The following VDAC1 variants were observed in gnomAD, a reference collection of about 807,000 sequenced individuals.
VDAC1 encodes the protein non-selective voltage-gated ion channel VDAC1.
VDAC1 carries 10 observed loss-of-function variants against 34.7 expected under a neutral mutation model. That is an observed-to-expected ratio of 0.29 (90% CI 0.18 to 0.49). VDAC1 has a LOEUF of 0.49. Among genes scored for constraint, VDAC1 ranks in the 20% least tolerant of loss-of-function variants. The pLI is 0.99. For synonymous variants in VDAC1, 130 were observed against 136.0 expected, an observed-to-expected ratio of 0.96 and a Z score of 0.30; for missense variants, 230 against 347.9, an observed-to-expected ratio of 0.66 and a Z score of 2.69.
chr5:133,972,528 T>G lies in VDAC1; in HGVS notation c.*243A>C, dbSNP rs1421226553. The stretch of plus-strand genomic sequence containing the variant: ...GCCATTTCTAGATAAAAAAGAAACC[T>G]GGCATCTCAAAGGGGCCACCAAGTT... On this transcript the variant is annotated 3_prime_UTR_variant, in exon 9 of 9. Coordinates refer to ENST00000265333, the MANE Select transcript of VDAC1 (RefSeq NM_003374.3). The G allele has an allele frequency of 9.1e-6, 4 of 441,818 alleles. No homozygotes were observed. The highest frequency in any genetic ancestry group is 8.1e-5 in the African/African-American group (4 of 49,376). The allele number at this position is 441,818 out of a possible 1,614,324, so 27.4% of individuals were successfully genotyped here. A position where few individuals can be genotyped will look rare whatever the true frequency, so the allele number is the denominator to read the frequency against.
chr5:134,086,901 T>C, the VDAC1 span, among the ~76,000 whole-genome samples: 2 of 152,192 alleles, frequency 1.3e-5, no homozygotes, highest in Admixed American at 6.5e-5. Context: ...TTCCTTATCA[T>C]GGAGCGTTAT....
At chr5:134,095,517 T>TC in the VDAC1 span, among the ~76,000 whole-genome samples, 400 of 149,140 alleles carry the variant, frequency 2.7e-3, 1 homozygote, top group African/African-American at 9.9e-3. Flanking sequence ...AATAAATAAA[T>TC]AAATAAATCC....
At chr5:134,068,808 G>A in the VDAC1 span, among the ~76,000 whole-genome samples, 153 of 152,126 alleles carry the variant, frequency 1.0e-3, no homozygotes, top group African/African-American at 3.4e-3. Context: ...GTCTTCTGCC[G>A]AAATTAATAG....
the VDAC1 span, among the ~76,000 whole-genome samples, chr5:134,021,166 G>A: frequency 4.0e-5 from 6 of 151,494 alleles, no homozygotes; most frequent in South Asian, 2.1e-4. Flanking sequence ...TCCAGCCTGC[G>A]TGACAGAATG....
chr5:133,988,144 T>C (rs1752971011), intron 5 of VDAC1, among the ~76,000 whole-genome samples: 1 of 152,188 alleles, frequency 6.6e-6, no homozygotes, highest in Non-Finnish European at 1.5e-5. Context: ...AACTATATGA[T>C]ATCAACATTA....
At chr5:134,077,902 G>C in the VDAC1 span, among the ~76,000 whole-genome samples, 1 of 152,374 alleles carries the variant, frequency 6.6e-6, no homozygotes, top group East Asian at 1.9e-4. Flanking sequence ...TCCATGTTCA[G>C]AGCAATTCCC....
At chr5:133,979,185 T>G (rs1248756442) in intron 6 of VDAC1, among the ~76,000 whole-genome samples, 4 of 152,120 alleles carry the variant, frequency 2.6e-5, no homozygotes, top group African/African-American at 7.2e-5. Context: ...ACTTGTTGCT[T>G]ATTTAAAATG....
chr5:134,023,071 A>G, the VDAC1 span, among the ~76,000 whole-genome samples: 1 of 152,306 alleles, frequency 6.6e-6, no homozygotes, highest in Middle Eastern at 3.4e-3. Context: ...CTTGGAACCA[A>G]CCCAAATGCC....
At chr5:134,006,127 A>G (rs919230281), upstream of VDAC1, among the ~76,000 whole-genome samples, 4 of 152,160 alleles carry the variant, frequency 2.6e-5, no homozygotes, top group Non-Finnish European at 1.5e-5. Flanking sequence ...GGCCCTGTGT[A>G]GGGGCTGGGG....
At chr5:133,996,549 G>A (rs1445538011) in intron 1 of VDAC1, among the ~76,000 whole-genome samples, 3 of 151,558 alleles carry the variant, frequency 2.0e-5, no homozygotes, top group Admixed American at 6.6e-5. Context: ...TGTGCTCACC[G>A]TGCCCCCACC....
chr5:134,074,807 G>C, the VDAC1 span, among the ~76,000 whole-genome samples: 1 of 152,072 alleles, frequency 6.6e-6, no homozygotes, highest in Non-Finnish European at 1.5e-5. Flanking sequence ...GGAACTCCAA[G>C]CAGATGAAGG....
At chr5:133,985,986 A>AG (rs1336290723) in intron 5 of VDAC1, among the ~76,000 whole-genome samples, 1 of 152,176 alleles carries the variant, frequency 6.6e-6, no homozygotes, top group Non-Finnish European at 1.5e-5. Context: ...ACAATCCCCA[A>AG]GAGAAAGGGC....
chr5:134,108,694 G>A, the VDAC1 span, among the ~76,000 whole-genome samples: 1 of 152,112 alleles, frequency 6.6e-6, no homozygotes, highest in Non-Finnish European at 1.5e-5. Context: ...GGGAATACTT[G>A]GAGGAATTGT....
the VDAC1 span, among the ~76,000 whole-genome samples, chr5:134,078,444 G>A: frequency 1.3e-5 from 2 of 152,136 alleles, no homozygotes; most frequent in African/African-American, 4.8e-5. Context: ...AGGACAGGAA[G>A]ACTTGGGGCT....
At chr5:134,086,915 C>A in the VDAC1 span, among the ~76,000 whole-genome samples, 2 of 152,142 alleles carry the variant, frequency 1.3e-5, no homozygotes, top group Non-Finnish European at 2.9e-5. Context: ...GCGTTATCTG[C>A]ACCATCAAAG....
chr5:134,102,342 C>G, the VDAC1 span, among the ~76,000 whole-genome samples: 8 of 149,720 alleles, frequency 5.3e-5, no homozygotes, highest in Non-Finnish European at 7.4e-5. Context: ...CTACCCCCCC[C>G]ACCCCAAAGC....
the VDAC1 span, among the ~76,000 whole-genome samples, chr5:134,103,751 G>A: frequency 4.6e-5 from 7 of 152,190 alleles, no homozygotes; most frequent in Admixed American, 3.3e-4. Flanking sequence ...TACCAGCGCC[G>A]CCACACAAGC....
intron 1 of VDAC1, among the ~76,000 whole-genome samples, chr5:133,999,769 A>G (rs1753469474): frequency 6.6e-6 from 1 of 152,172 alleles, no homozygotes; most frequent in Non-Finnish European, 1.5e-5. Flanking sequence ...CTCCTGGATT[A>G]CCAAGTGTAA....
chr5:134,079,302 C>T, the VDAC1 span, among the ~76,000 whole-genome samples: 3 of 152,210 alleles, frequency 2.0e-5, no homozygotes, highest in Admixed American at 2.0e-4. Context: ...AGGACAGATG[C>T]TCTGGCCACT....
Sources: allele counts gnomAD v4.1 joint callset (sites outside exome capture counted in the v4.1 genomes callset), GRCh38; gene constraint gnomAD v4.1.1; transcripts MANE v1.5; gene names NCBI Gene and HGNC (gene_info 2026-07-23, HGNC 2026-07-21).